Variants in OPCML observed in about 807,000 individuals in gnomAD.
OPCML encodes the protein opioid-binding protein/cell adhesion molecule.
A neutral mutation model predicts 37.8 loss-of-function variants in OPCML; 13 were observed. That is an observed-to-expected ratio of 0.34 (90% CI 0.22 to 0.55). The LOEUF is 0.55. Among genes scored for constraint, OPCML ranks in the 20% least tolerant of loss-of-function variants. OPCML has a pLI of 0.91. For missense variants in OPCML, 341 were observed against 435.6 expected (o/e 0.78, Z 1.93); for synonymous variants, 176 against 168.8 (o/e 1.04, Z -0.33).
At chr11:132,670,792 G>A (rs955864443) in intron 2 of OPCML, among the ~76,000 whole-genome samples, 1 of 151,996 alleles carries the variant, frequency 6.6e-6, no homozygotes, top group Non-Finnish European at 1.5e-5. Flanking sequence ...ATAAATGTTT[G>A]CTATTATATT....
intron 1 of OPCML, among the ~76,000 whole-genome samples, chr11:133,229,378 ACT>A (rs901414441): frequency 1.3e-5 from 2 of 151,682 alleles, no homozygotes; most frequent in Non-Finnish European, 2.9e-5. Flanking sequence ...TGTTCAAATA[ACT>A]CTTATTTGAC....
At chr11:133,024,076 C>G (rs1023438878) in intron 1 of OPCML, among the ~76,000 whole-genome samples, 1 of 152,136 alleles carries the variant, frequency 6.6e-6, no homozygotes, top group African/African-American at 2.4e-5. Context: ...TAGACAGCTC[C>G]CTCCCATGTG....
rs762845539 is a variant in OPCML, at chr11:133,532,258, C to G, written c.61+6G>C. ...GGAGAGAAAACACCCTTCCCCTGTACGGTACCTGGGATGAAGAGCAGGGCA... is the reference window on the plus strand; with the variant it reads ...GGAGAGAAAACACCCTTCCCCTGTAGGGTACCTGGGATGAAGAGCAGGGCA... On this transcript the variant is annotated splice_donor_region_variant and intron_variant, in intron 1 of 7. Transcript: ENST00000524381. 1 of 1,613,720 alleles carries G rather than the reference C, an allele frequency of 6.2e-7. No homozygotes were observed.
At chr11:132,687,497 C>T (rs1053340330) in intron 2 of OPCML, among the ~76,000 whole-genome samples, 1 of 145,490 alleles carries the variant, frequency 6.9e-6, no homozygotes, top group Non-Finnish European at 1.5e-5. Context: ...TAAATCCGAT[C>T]TTCTTCTGCA....
At position 133,264,060 on chromosome 11, in the gene OPCML, A is replaced by T. The variant is rs192234993; in HGVS notation, c.61+268204T>A. ...CCTTCCTGGACTCTGAAAAACGATT[A>T]AAAAATCCCACAGAAAATAAATATA... On this transcript the variant is annotated intron_variant, in intron 1 of 7. Transcript: ENST00000524381. Among the ~76,000 whole-genome samples the T allele has an allele frequency of 1.4e-3, 217 of 152,286 alleles. 5 individuals carry two copies. Among genetic ancestry groups the T allele is most frequent in the Middle Eastern group, 0.01 (3 of 294 alleles).
intron 3 of OPCML, among the ~76,000 whole-genome samples, chr11:132,613,434 T>C (rs1392893419): frequency 6.6e-6 from 1 of 152,222 alleles, no homozygotes; most frequent in Non-Finnish European, 1.5e-5. Flanking sequence ...AAAACATGCA[T>C]ACGGAACAAA....
intron 1 of OPCML, among the ~76,000 whole-genome samples, chr11:133,362,390 G>A (rs979670563): frequency 5.3e-5 from 8 of 152,128 alleles, no homozygotes; most frequent in Non-Finnish European, 1.2e-4. Flanking sequence ...TTCCCTTCCC[G>A]CCTCCCCTCG....
chr11:133,431,018 A>C (rs1284029564), intron 1 of OPCML, among the ~76,000 whole-genome samples: 1 of 152,214 alleles, frequency 6.6e-6, no homozygotes, highest in Non-Finnish European at 1.5e-5. Context: ...TTCATTAAGA[A>C]TATGATATAA....
chr11:132,781,370 T>G (rs1947006670), intron 2 of OPCML, among the ~76,000 whole-genome samples: 1 of 151,996 alleles, frequency 6.6e-6, no homozygotes, highest in South Asian at 2.1e-4. Flanking sequence ...GCCGGGACAC[T>G]GGGCTTTTCT....
At chr11:132,437,739 T>G (rs1365763640) in intron 4 of OPCML, among the ~76,000 whole-genome samples, 1 of 152,244 alleles carries the variant, frequency 6.6e-6, no homozygotes, top group Admixed American at 6.5e-5. Flanking sequence ...AATAAAACTA[T>G]GGAATAACTT....
chr11:132,814,074 T>C (rs762041965), intron 2 of OPCML, among the ~76,000 whole-genome samples: 3 of 152,214 alleles, frequency 2.0e-5, no homozygotes, highest in Admixed American at 6.5e-5. Context: ...AGTAAATAAC[T>C]AGTGAATGAT....
In OPCML at chr11:133,423,531, G is replaced by A. The variant is rs181533197; in HGVS notation, c.61+108733C>T. On this transcript the variant is annotated intron_variant, in intron 1 of 7. Coordinates refer to ENST00000524381, the MANE Select transcript of OPCML (RefSeq NM_001012393.5). ...CAAACTGGAGAAAAGAAGTCCTAAC[G>A]AGAAGTCCTCAAAGGAATTTAATTC... 7 of 965,730 alleles carry A rather than the reference G, an allele frequency of 7.2e-6. No homozygotes were observed. In the South Asian group the frequency reaches 1.4e-4, roughly 20 times the overall value. 59.8% of individuals were successfully genotyped at this position (965,730 alleles called of 1,614,324 possible). A position where few individuals can be genotyped will look rare whatever the true frequency, so the allele number is the denominator to read the frequency against.
At position 132,760,759 on chromosome 11, in the gene OPCML, C is replaced by T. The variant is rs147061276; in HGVS notation, c.147-103440G>A. Among the ~76,000 whole-genome samples the T allele has an allele frequency of 8.7e-3, 1,324 of 152,074 alleles. 17 individuals carry two copies. The highest frequency in any genetic ancestry group is 0.029 in the African/African-American group (1,184 of 41,490). On this transcript the variant is annotated intron_variant, in intron 2 of 7. Transcript: ENST00000524381. ...TGGGTCTTGACTCTATCCAATTTGC[C>T]AGTCTGTGTCTTTTAATTGGGGCAT... is the stretch of plus-strand genomic sequence containing the variant.
chr11:132,539,859 G>A (rs2096351626), intron 3 of OPCML, among the ~76,000 whole-genome samples: 1 of 152,014 alleles, frequency 6.6e-6, no homozygotes, highest in South Asian at 2.1e-4. Flanking sequence ...GGGTGGTGAA[G>A]ATAGTGATGG....
chr11:133,358,154 T>C (rs1000620645), intron 1 of OPCML, among the ~76,000 whole-genome samples: 1 of 152,248 alleles, frequency 6.6e-6, no homozygotes, highest in African/African-American at 2.4e-5. Context: ...GAGTGAGCAA[T>C]GAATGAACTG....
chr11:132,945,424 T>C (rs1007385848), intron 1 of OPCML, among the ~76,000 whole-genome samples: 3 of 152,160 alleles, frequency 2.0e-5, no homozygotes, highest in Admixed American at 6.5e-5. Context: ...AAAAATATGG[T>C]ACAAAAGATT....
chr11:132,674,025 A>G (rs1001849839), intron 2 of OPCML, among the ~76,000 whole-genome samples: 1 of 152,174 alleles, frequency 6.6e-6, no homozygotes, highest in African/African-American at 2.4e-5. Flanking sequence ...TTGAAAGCAT[A>G]TAGGCAGTGT....
At chr11:132,608,827 G>A (rs1172726927) in intron 3 of OPCML, among the ~76,000 whole-genome samples, 1 of 152,066 alleles carries the variant, frequency 6.6e-6, no homozygotes. Flanking sequence ...GAGTTCCTTT[G>A]CTCACCAGAG....
intron 4 of OPCML, among the ~76,000 whole-genome samples, chr11:132,457,997 T>C (rs1449423108): frequency 1.3e-5 from 2 of 152,108 alleles, no homozygotes; most frequent in Non-Finnish European, 2.9e-5. Flanking sequence ...AACATGGAAT[T>C]TGTCAATGGG....
Sources: gnomAD v4.1 joint callset for allele counts (sites outside exome capture counted in the v4.1 genomes callset) on GRCh38, gnomAD v4.1.1 for gene constraint, MANE v1.5 for transcripts, NCBI Gene and HGNC (gene_info 2026-07-23, HGNC 2026-07-21) for gene names.